Variants in PALLD observed in about 807,000 individuals in gnomAD.
PALLD encodes palladin, cytoskeletal associated protein.
PALLD carries 61 observed loss-of-function variants against 123.5 expected under a neutral mutation model. The observed-to-expected ratio is 0.49, with a 90% CI of 0.40 to 0.61. The LOEUF is 0.61. Ranked by LOEUF, PALLD falls within the 20% of genes least tolerant of loss-of-function variation. The probability of loss-of-function intolerance (pLI) is 0.00; values close to 1 mark genes in which losing one functional copy is unlikely to be tolerated. For synonymous variants in PALLD, 465 were observed against 496.4 expected (o/e 0.94, Z 0.84); for missense variants, 1,273 against 1,377.0 (o/e 0.92, Z 1.20).
intron 14 of PALLD, among the ~76,000 whole-genome samples, chr4:168,902,369 T>A (rs1343582303): frequency 1.3e-5 from 2 of 152,114 alleles, no homozygotes; most frequent in African/African-American, 4.8e-5. Context: ...AGTCTGCAGG[T>A]GGGGTGATGT....
chr4:168,761,659 T>TGTTTG (rs1320473045), intron 10 of PALLD, among the ~76,000 whole-genome samples: 5 of 42,132 alleles, frequency 1.2e-4, no homozygotes, highest in Non-Finnish European at 2.8e-4. Flanking sequence ...TTTTTTTTTT[T>TGTTTG]TTTTTTTTTT....
At chr4:168,611,491 G>A (rs1773724219) in intron 2 of PALLD, among the ~76,000 whole-genome samples, 1 of 152,034 alleles carries the variant, frequency 6.6e-6, no homozygotes, top group African/African-American at 2.4e-5. Context: ...TAACATACAA[G>A]GAAACAGCAA....
intron 10 of PALLD, among the ~76,000 whole-genome samples, chr4:168,854,886 T>C (rs1023511460): frequency 1.3e-5 from 2 of 152,212 alleles, no homozygotes; most frequent in African/African-American, 4.8e-5. Flanking sequence ...CAGGTACTTG[T>C]AGGACTGTAA....
chr4:168,660,968 G>A (rs1328312096), intron 2 of PALLD, among the ~76,000 whole-genome samples: 3 of 150,970 alleles, frequency 2.0e-5, no homozygotes, highest in East Asian at 2.0e-4. Context: ...GCAGTGGCAC[G>A]ATCTTGACTC....
At chr4:168,647,631 A>G (rs1464861412) in intron 2 of PALLD, among the ~76,000 whole-genome samples, 3 of 151,966 alleles carry the variant, frequency 2.0e-5, no homozygotes, top group Non-Finnish European at 4.4e-5. Context: ...AAATACAAAA[A>G]TTAGCTGGGC....
At chr4:168,766,942 A>G (rs1049802079) in intron 10 of PALLD, among the ~76,000 whole-genome samples, 1 of 152,214 alleles carries the variant, frequency 6.6e-6, no homozygotes, top group African/African-American at 2.4e-5. Flanking sequence ...AGATGGCTGC[A>G]ATGACCCTGT....
At chr4:168,655,410 CAG>C (rs1778460687) in intron 2 of PALLD, among the ~76,000 whole-genome samples, 1 of 152,192 alleles carries the variant, frequency 6.6e-6, no homozygotes, top group Non-Finnish European at 1.5e-5. Context: ...TGTGGTTCCT[CAG>C]AGACCACACT....
rs766392799 is a variant in PALLD, at chr4:168,709,159, G to GT, written c.1621+13dup. On this transcript the variant is annotated intron_variant, in intron 9 of 21. Coordinates refer to ENST00000505667, the MANE Select transcript of PALLD (RefSeq NM_001166108.2). ...GGTTGTCACCTCAGGTATGTGAGGA[G>GT]TAAAAAAAATGACTGGGTTCTGTTC... 13 of 1,613,290 alleles carry GT rather than the reference G, an allele frequency of 8.1e-6. No individual in the cohort carries two copies. The highest frequency in any genetic ancestry group is 1.1e-5 in the Non-Finnish European group (13 of 1,179,810).
rs191095167 is a variant in PALLD, at chr4:168,709,774, G to C, written c.1621+627G>C. 5.5e-3 allele frequency among the ~76,000 whole-genome samples: 829 copies of C among 152,022 alleles called. 6 individuals carry two copies. The highest frequency in any genetic ancestry group is 0.019 in the African/African-American group (783 of 41,470). ...AAGGCTTTAGGGGAGGGGAGAAGAA[G>C]GAGTGAAGTGGAGATGACAAACAAA... On this transcript the variant is annotated intron_variant, in intron 9 of 21. Transcript: ENST00000505667.
chr4:168,727,605 T>C (rs528746611), intron 10 of PALLD, among the ~76,000 whole-genome samples: 90 of 152,338 alleles, frequency 5.9e-4, no homozygotes, highest in Non-Finnish European at 1.0e-3. Flanking sequence ...GTTCTGGACA[T>C]GAGACCTTTG....
chr4:168,667,819 T>G (rs1446190214), intron 2 of PALLD, among the ~76,000 whole-genome samples: 1 of 152,242 alleles, frequency 6.6e-6, no homozygotes, highest in East Asian at 1.9e-4. Context: ...GTTTATATTT[T>G]CTATTTTTCT....
At chr4:168,853,268 G>T (rs557079046) in intron 10 of PALLD, among the ~76,000 whole-genome samples, 1 of 152,266 alleles carries the variant, frequency 6.6e-6, no homozygotes, top group South Asian at 2.1e-4. Flanking sequence ...GTCAAATACA[G>T]GTTGTTTTAC....
intron 3 of PALLD, among the ~76,000 whole-genome samples, chr4:168,668,793 G>A (rs1467981002): frequency 6.6e-6 from 1 of 152,056 alleles, no homozygotes; most frequent in Non-Finnish European, 1.5e-5. Flanking sequence ...CTAGAATTTT[G>A]TCTCTTTTGT....
chr4:168,924,508 T>C (rs1248944359), intron 19 of PALLD, 88 bp downstream of exon 19: 15 of 1,258,566 alleles, frequency 1.2e-5, no homozygotes, highest in Middle Eastern at 1.9e-4. Flanking sequence ...TGGAAATCTA[T>C]GTGTAAAAGC....
At chr4:168,632,770 T>G (rs1775961112) in intron 2 of PALLD, among the ~76,000 whole-genome samples, 1 of 152,226 alleles carries the variant, frequency 6.6e-6, no homozygotes, top group Non-Finnish European at 1.5e-5. Context: ...TCAATTTTGG[T>G]GAGTTCCTGA....
At chr4:168,777,077 T>TAC (rs1735261037) in intron 10 of PALLD, among the ~76,000 whole-genome samples, 2 of 151,392 alleles carry the variant, frequency 1.3e-5, no homozygotes, top group South Asian at 2.1e-4. Context: ...AGGATGGGAA[T>TAC]ACACACACAC....
intron 21 of PALLD, 55 bp downstream of exon 21, chr4:168,925,333 C>A: frequency 7.5e-7 from 1 of 1,328,170 alleles, no homozygotes; most frequent in Non-Finnish European, 1.1e-6. Context: ...ATTTCTCTTA[C>A]ATTGGCTAGT....
At chr4:168,692,853 C>A (rs1275328668) in intron 8 of PALLD, among the ~76,000 whole-genome samples, 2 of 152,172 alleles carry the variant, frequency 1.3e-5, no homozygotes. Flanking sequence ...TGTCATCATG[C>A]ACATAGGTGA....
chr4:168,604,299 C>G (rs1772953935), intron 2 of PALLD, among the ~76,000 whole-genome samples: 1 of 152,144 alleles, frequency 6.6e-6, no homozygotes, highest in Non-Finnish European at 1.5e-5. Flanking sequence ...ACCAGATATC[C>G]ATTATCTTTA....
Sources: gnomAD v4.1 joint callset for allele counts (sites outside exome capture counted in the v4.1 genomes callset) on GRCh38, gnomAD v4.1.1 for gene constraint, MANE v1.5 for transcripts, NCBI Gene and HGNC (gene_info 2026-07-23, HGNC 2026-07-21) for gene names.